The following GLCE variants were observed in gnomAD, a reference collection of about 807,000 sequenced individuals.
GLCE encodes glucuronic acid epimerase, also known as D-glucuronyl C5-epimerase.
A neutral mutation model predicts 47.9 loss-of-function variants in GLCE; 19 were observed. The ratio of observed to expected loss-of-function variants is 0.40; its 90% CI spans 0.28 to 0.58. The LOEUF is 0.58. Among genes scored for constraint, GLCE ranks in the 20% least tolerant of loss-of-function variants. The probability of loss-of-function intolerance (pLI) is 0.48; values close to 1 mark genes in which losing one functional copy is unlikely to be tolerated. For missense variants in GLCE, 556 were observed against 743.3 expected (o/e 0.75, Z 2.93); for synonymous variants, 245 against 263.4 (o/e 0.93, Z 0.68).
intron 1 of GLCE, among the ~76,000 whole-genome samples, chr15:69,191,678 G>A (rs879599161): frequency 2.0e-5 from 3 of 152,158 alleles, no homozygotes; most frequent in Non-Finnish European, 4.4e-5. Flanking sequence ...GAAAGCAGAT[G>A]TTCAGAATAT....
intron 2 of GLCE, among the ~76,000 whole-genome samples, chr15:69,244,603 G>A (rs2052721968): frequency 6.6e-6 from 1 of 152,116 alleles, no homozygotes; most frequent in African/African-American, 2.4e-5. Context: ...TCAGAGCACA[G>A]CCTTTGGAGT....
At chr15:69,232,730 A>C (rs1310138032) in intron 2 of GLCE, among the ~76,000 whole-genome samples, 2 of 152,204 alleles carry the variant, frequency 1.3e-5, no homozygotes, top group Non-Finnish European at 2.9e-5. Context: ...ATATTCACAT[A>C]ATTTGTTTAT....
At chr15:69,173,328 A>C (rs1279397314) in intron 1 of GLCE, among the ~76,000 whole-genome samples, 1 of 152,218 alleles carries the variant, frequency 6.6e-6, no homozygotes, top group East Asian at 1.9e-4. Flanking sequence ...GGAAGAAAGA[A>C]GAGTTGGGGT....
chr15:69,209,834 A>C (rs1317707123), intron 1 of GLCE, among the ~76,000 whole-genome samples: 3 of 152,100 alleles, frequency 2.0e-5, no homozygotes, highest in Non-Finnish European at 4.4e-5. Context: ...GGGATTCACC[A>C]CATCCTCTTG....
At chr15:69,170,300 G>T (rs533147456) in intron 1 of GLCE, among the ~76,000 whole-genome samples, 2 of 152,116 alleles carry the variant, frequency 1.3e-5, no homozygotes, top group African/African-American at 4.8e-5. Flanking sequence ...TTAAAAGAAT[G>T]CCTCAGATGT....
chr15:69,268,257 A>T lies in GLCE; in HGVS notation c.867A>T (p.Thr289=). The part of the protein sequence containing the change: ...SEGVSLQLGN[T]KDFIISFDLK... ...GTGTATCCTTGCAACTGGGAAACAC[A>T]AAAGATTTTATTATTTCATTTGACC... The change falls in exon 5 of 5, where the codon ACA becomes ACT. Residue 289 remains threonine (T), a synonymous_variant. Coordinates refer to ENST00000261858, the MANE Select transcript of GLCE (RefSeq NM_015554.3). 1 of 1,611,220 alleles carries T rather than the reference A, an allele frequency of 6.2e-7. No individual in the cohort carries two copies. The highest frequency in any genetic ancestry group is 8.5e-7 in the Non-Finnish European group (1 of 1,178,804).
chr15:69,213,432 A>G (rs569782247), intron 2 of GLCE, among the ~76,000 whole-genome samples: 12 of 152,116 alleles, frequency 7.9e-5, no homozygotes, highest in Non-Finnish European at 4.4e-5. Flanking sequence ...ATGTCATTCA[A>G]TTAGAGTTGA....
intron 4 of GLCE, among the ~76,000 whole-genome samples, chr15:69,263,077 T>C (rs1408117243): frequency 6.6e-6 from 1 of 152,200 alleles, no homozygotes; most frequent in East Asian, 1.9e-4. Context: ...AATTTTCCAC[T>C]TGTGGCATCA....
At chr15:69,172,835 T>TA (rs1266004370) in intron 1 of GLCE, among the ~76,000 whole-genome samples, 1 of 152,256 alleles carries the variant, frequency 6.6e-6, no homozygotes, top group African/African-American at 2.4e-5. Flanking sequence ...TCTTCACTCT[T>TA]ACTGCCTTAT....
At chr15:69,165,715 T>C (rs1452202229) in intron 1 of GLCE, among the ~76,000 whole-genome samples, 1 of 152,184 alleles carries the variant, frequency 6.6e-6, no homozygotes, top group Non-Finnish European at 1.5e-5. Context: ...GGCAGGTTTA[T>C]ATTTGTCTTA....
intron 2 of GLCE, among the ~76,000 whole-genome samples, chr15:69,246,963 C>T (rs1221626384): frequency 2.0e-5 from 3 of 152,150 alleles, no homozygotes; most frequent in Non-Finnish European, 4.4e-5. Context: ...GATGTGCTGT[C>T]ATCCAGGCTT....
At chr15:69,234,313 T>C (rs1486047384) in intron 2 of GLCE, among the ~76,000 whole-genome samples, 2 of 152,052 alleles carry the variant, frequency 1.3e-5, no homozygotes, top group South Asian at 2.1e-4. Flanking sequence ...TTTGACCTTA[T>C]TTTTTCTGGG....
intron 1 of GLCE, among the ~76,000 whole-genome samples, chr15:69,162,141 A>C (rs1273853828): frequency 6.6e-6 from 1 of 152,198 alleles, no homozygotes; most frequent in Non-Finnish European, 1.5e-5. Context: ...GAACTCTGCA[A>C]AAACGTTTTC....
chr15:69,259,918 G>A (rs1203593369), intron 3 of GLCE, among the ~76,000 whole-genome samples: 2 of 152,164 alleles, frequency 1.3e-5, no homozygotes, highest in Admixed American at 1.3e-4. Context: ...AGTCTCTGCT[G>A]TGCTCATCAG....
At chr15:69,248,840 A>G (rs1225651425) in intron 2 of GLCE, among the ~76,000 whole-genome samples, 1 of 152,104 alleles carries the variant, frequency 6.6e-6, no homozygotes, top group Non-Finnish European at 1.5e-5. Flanking sequence ...GACCTTGTCA[A>G]GTGATCCTCC....
At chr15:69,181,384 T>G (rs1367656085) in intron 1 of GLCE, among the ~76,000 whole-genome samples, 1 of 151,930 alleles carries the variant, frequency 6.6e-6, no homozygotes, top group Non-Finnish European at 1.5e-5. Flanking sequence ...AGGACAGAGA[T>G]TTGGAGCACT....
chr15:69,259,300 GTCTTT>G (rs2052979723), intron 3 of GLCE, among the ~76,000 whole-genome samples: 1 of 152,120 alleles, frequency 6.6e-6, no homozygotes, highest in Admixed American at 6.5e-5. Context: ...CAATCTGGTT[GTCTTT>G]TCATTTTACA....
intron 4 of GLCE, among the ~76,000 whole-genome samples, chr15:69,264,632 A>G (rs2053060969): frequency 1.3e-5 from 2 of 152,114 alleles, no homozygotes; most frequent in Admixed American, 6.5e-5. Flanking sequence ...CCTAATGACT[A>G]TGCCAATTTA....
chr15:69,235,030 A>G (rs941511179), intron 2 of GLCE, among the ~76,000 whole-genome samples: 11 of 149,898 alleles, frequency 7.3e-5, no homozygotes, highest in Admixed American at 1.3e-4. Flanking sequence ...AACATACCTT[A>G]TAACAGATGT....
Sources: gnomAD v4.1 joint callset for allele counts (sites outside exome capture counted in the v4.1 genomes callset) on GRCh38, gnomAD v4.1.1 for gene constraint, MANE v1.5 for transcripts, NCBI Gene and HGNC (gene_info 2026-07-23, HGNC 2026-07-21) for gene names.